BDP1: variants seen among roughly 807,000 people sequenced by gnomAD.
BDP1 encodes BDP1 general transcription factor IIIB subunit, also known as transcription factor TFIIIB component B'' homolog.
BDP1 carries 169 observed loss-of-function variants against 266.6 expected under a neutral mutation model. The ratio of observed to expected loss-of-function variants is 0.63; its 90% CI spans 0.56 to 0.72. The LOEUF (loss-of-function observed/expected upper bound fraction) is 0.72, where lower values mean the gene tolerates loss of function less well. Among genes scored for constraint, BDP1 ranks in the 30% least tolerant of loss-of-function variants. BDP1 has a pLI of 0.00. For missense variants in BDP1, 3,015 were observed against 3,053.8 expected, an observed-to-expected ratio of 0.99 and a Z score of 0.30; for synonymous variants, 1,090 against 1,022.4, an observed-to-expected ratio of 1.07 and a Z score of -1.26.
At chr5:71,552,157 A>G (rs1399181358) in intron 34 of BDP1, among the ~76,000 whole-genome samples, 4 of 78,596 alleles carry the variant, frequency 5.1e-5, no homozygotes, top group Non-Finnish European at 1.2e-4. Flanking sequence ...GCAGCCGGGC[A>G]GAGACGCTCC....
intron 22 of BDP1, among the ~76,000 whole-genome samples, chr5:71,521,543 C>T (rs997359293): frequency 2.0e-5 from 3 of 152,008 alleles, no homozygotes; most frequent in South Asian, 2.1e-4. Context: ...CCGCCCACCT[C>T]GGCGTCCCAA....
At chr5:71,530,095 A>G (rs1022500136) in intron 25 of BDP1, among the ~76,000 whole-genome samples, 5 of 152,228 alleles carry the variant, frequency 3.3e-5, no homozygotes, top group Admixed American at 6.5e-5. Flanking sequence ...AATAAACTGT[A>G]TGATGCTTAA....
At chr5:71,571,455 C>A (rs1207284343), downstream of BDP1, among the ~76,000 whole-genome samples, 1 of 152,064 alleles carries the variant, frequency 6.6e-6, no homozygotes, top group Non-Finnish European at 1.5e-5. Flanking sequence ...GCCCCTGGAA[C>A]CAGTTTTTCT....
chr5:71,549,336 G>A, intron 33 of BDP1, 84 bp from the exon 34 acceptor site: 1 of 1,133,484 alleles, frequency 8.8e-7, no homozygotes, highest in Non-Finnish European at 1.2e-6. Context: ...TCCTGAGACT[G>A]TCTTTTTAGA....
the BDP1 span, among the ~76,000 whole-genome samples, chr5:71,576,477 G>A: frequency 1.4e-3 from 220 of 152,310 alleles, 1 homozygote; most frequent in African/African-American, 5.0e-3. Flanking sequence ...TTAAGTCTTG[G>A]TTATATTAAT....
chr5:71,490,051 G>T (rs1295169585), intron 10 of BDP1, among the ~76,000 whole-genome samples: 1 of 152,090 alleles, frequency 6.6e-6, no homozygotes, highest in African/African-American at 2.4e-5. Flanking sequence ...ACCCACAAGG[G>T]GTTAGTTCCT....
intron 5 of BDP1, among the ~76,000 whole-genome samples, chr5:71,466,759 A>T (rs912075712): frequency 3.3e-5 from 5 of 152,062 alleles, no homozygotes; most frequent in African/African-American, 9.7e-5. Flanking sequence ...GTTTTTTTTT[A>T]AAAGATGATA....
At chr5:71,553,920 C>T (rs777092835) in intron 35 of BDP1, among the ~76,000 whole-genome samples, 1 of 152,198 alleles carries the variant, frequency 6.6e-6, no homozygotes, top group Non-Finnish European at 1.5e-5. Context: ...GAAAAACATA[C>T]AGACTTCTTT....
At chr5:71,464,012 T>G in intron 3 of BDP1, 46 bp from the exon 4 acceptor site, 2 of 1,093,422 alleles carry the variant, frequency 1.8e-6, no homozygotes, top group Non-Finnish European at 2.6e-6. Context: ...ATTGGGAAGA[T>G]ATAAATTAAT....
intron 3 of BDP1, among the ~76,000 whole-genome samples, chr5:71,462,822 C>T (rs1460856123): frequency 6.6e-6 from 1 of 152,050 alleles, no homozygotes; most frequent in East Asian, 1.9e-4. Flanking sequence ...CCAACTAAGC[C>T]ACTTTTCTGT....
Position 71,486,556 on chromosome 5 carries a change from G to T in BDP1, c.1142G>T (p.Arg381Ile), listed in dbSNP as rs772370153. The T allele has an allele frequency of 6.5e-7, 1 of 1,541,542 alleles. No homozygotes were observed. Among genetic ancestry groups the T allele is most frequent in the East Asian group, 2.5e-5 (1 of 40,010 alleles). ...AAAGTTCTTGCTGAAGAAGAGAAAA[G>T]AAAACAAAAATCTGTTAAAAATCAC... Reference protein sequence around the residue: ...LQKVLAEEEKRKQKSVKNHSL... With the variant: ...LQKVLAEEEKIKQKSVKNHSL... Residue 381 changes from arginine (R) to isoleucine (I), a missense_variant, in exon 9 of 39, where the codon AGA (arginine) becomes ATA (isoleucine). This residue lies in a region of BDP1 where 2,383 missense variants were observed against 2,404.9 expected (regional missense o/e 0.99). Transcript: ENST00000358731.
At chr5:71,556,773 G>C in intron 35 of BDP1, 113 bp from the exon 36 acceptor site, 1 of 530,580 alleles carries the variant, frequency 1.9e-6, no homozygotes, top group Non-Finnish European at 3.3e-6. Flanking sequence ...ATTCCTCTAA[G>C]AGCTTTTTGG....
intron 30 of BDP1, among the ~76,000 whole-genome samples, chr5:71,542,944 A>G (rs1436250017): frequency 6.6e-6 from 1 of 152,136 alleles, no homozygotes; most frequent in East Asian, 1.9e-4. Flanking sequence ...TATGAGCCAT[A>G]GAGAAATGAA....
rs1743526784 is a variant in BDP1 at position 71,560,115 on chromosome 5, G to A, written c.7374G>A (p.Lys2458=). Residue 2458 remains lysine, a synonymous_variant, in exon 37 of 39, where the codon AAG becomes AAA. Transcript: ENST00000358731. ...GATCTCCTGATGCATGCATGGACAA[G>A]AATGTGCCTCAGTTACCTCAGGATG... ...GSRSPDACMD[K]NVPQLPQDEM... is the part of the protein sequence containing the mutation. 2 of 1,614,042 alleles carry A rather than the reference G, an allele frequency of 1.2e-6. No homozygotes were observed. Among genetic ancestry groups the A allele is most frequent in the Admixed American group, 1.7e-5 (1 of 60,002 alleles).
chr5:71,473,494 C>T (rs983585071), intron 7 of BDP1, among the ~76,000 whole-genome samples: 1 of 151,636 alleles, frequency 6.6e-6, no homozygotes, highest in Admixed American at 6.6e-5. Flanking sequence ...CAGGATGATC[C>T]TATCTCCTGA....
intron 34 of BDP1, among the ~76,000 whole-genome samples, chr5:71,549,936 A>G (rs1314501557): frequency 1.3e-5 from 2 of 152,260 alleles, no homozygotes; most frequent in Non-Finnish European, 2.9e-5. Flanking sequence ...ACTGTGAAAT[A>G]TGCATTCACA....
At chr5:71,559,425 ACT>A (rs978733337) in intron 36 of BDP1, among the ~76,000 whole-genome samples, 9 of 152,108 alleles carry the variant, frequency 5.9e-5, no homozygotes, top group Non-Finnish European at 4.4e-5. Flanking sequence ...GAGCTAAAAC[ACT>A]CTCTCTGAGA....
intron 12 of BDP1, among the ~76,000 whole-genome samples, chr5:71,495,612 A>G (rs1245183329): frequency 6.6e-6 from 1 of 152,162 alleles, no homozygotes; most frequent in Non-Finnish European, 1.5e-5. Context: ...TTGCAGAAAG[A>G]TTCTCTTTCA....
intron 38 of BDP1, 81 bp downstream of exon 38, chr5:71,562,601 G>A (rs1180607038): frequency 6.6e-7 from 1 of 1,525,294 alleles, no homozygotes. Context: ...ATAGTAATTT[G>A]TTATTTTTAT....
Sources: allele counts gnomAD v4.1 joint callset (sites outside exome capture counted in the v4.1 genomes callset), GRCh38; gene constraint gnomAD v4.1.1; regional missense constraint gnomAD v4.1.1; transcripts MANE v1.5; gene names NCBI Gene and HGNC (gene_info 2026-07-23, HGNC 2026-07-21).